The following C9orf43 variants were observed in gnomAD, a reference collection of about 807,000 sequenced individuals.
The protein encoded by C9orf43 is uncharacterized protein C9orf43.
Under a neutral mutation model 59.1 loss-of-function variants are expected in C9orf43, and 45 were observed. The observed-to-expected ratio is 0.76, with a 90% CI of 0.60 to 0.98. C9orf43 has a LOEUF of 0.98. Among genes scored for constraint, C9orf43 ranks in the 50% least tolerant of loss-of-function variants. The pLI, the probability that C9orf43 is intolerant of heterozygous loss-of-function variation, is 0.00. For synonymous variants in C9orf43, 203 were observed against 196.8 expected (o/e 1.03, Z -0.26); for missense variants, 533 against 554.9 (o/e 0.96, Z 0.40).
rs189006857 is a variant in C9orf43 at position 113,423,328 on chromosome 9, A to G, written c.486A>G (p.Lys162=). 5.1e-5 allele frequency: 82 copies of G among 1,613,240 alleles called. No homozygotes were observed. The East Asian group carries it at 1.0e-3, about 20-fold the overall frequency. ...TCTTTCCATTGTTTCTCTTCCAGAAAAGCAAGTCATTTCTGGGTCTCTCTG... is the reference window on the plus strand; with the variant it reads ...TCTTTCCATTGTTTCTCTTCCAGAAGAGCAAGTCATTTCTGGGTCTCTCTG... The part of the protein sequence containing the change: ...GKKKRKNSAV[K]SKSFLGLSGN... Residue 162 remains lysine (K), a splice_region_variant and synonymous_variant, in exon 7 of 14, where the codon AAA becomes AAG. Coordinates refer to ENST00000374165, the MANE Select transcript of C9orf43 (RefSeq NM_001278629.2).
intron 3 of C9orf43, 72 bp from the exon 4 acceptor site, chr9:113,419,036 C>T (rs1828476539): frequency 1.5e-5 from 18 of 1,235,500 alleles, no homozygotes; most frequent in Non-Finnish European, 2.1e-5. Context: ...GAAGGATTTC[C>T]TCATAGCACT....
chr9:113,414,583 C>A (rs1828291707), intron 3 of C9orf43, among the ~76,000 whole-genome samples: 1 of 152,118 alleles, frequency 6.6e-6, no homozygotes, highest in Admixed American at 6.5e-5. Context: ...CCATACTGAG[C>A]CCCTCTCCCT....
chr9:113,424,796 G>T (rs1218480781), intron 8 of C9orf43, among the ~76,000 whole-genome samples: 6 of 152,080 alleles, frequency 3.9e-5, no homozygotes, highest in Non-Finnish European at 8.8e-5. Flanking sequence ...AAAGTGCTGG[G>T]ATTACAGGCA....
chr9:113,418,398 A>G (rs925955114), intron 3 of C9orf43, among the ~76,000 whole-genome samples: 5 of 152,058 alleles, frequency 3.3e-5, no homozygotes, highest in Admixed American at 1.3e-4. Flanking sequence ...GTCCCCCCTT[A>G]TTTTCAGGAA....
intron 4 of C9orf43, chr9:113,420,683 C>A: frequency 3.7e-6 from 3 of 806,578 alleles, no homozygotes; most frequent in Non-Finnish European, 4.5e-6. Context: ...TGTAGTCAGA[C>A]TGTAAAAGAA....
At chr9:113,416,774 A>G (rs755137903) in intron 3 of C9orf43, among the ~76,000 whole-genome samples, 1 of 151,024 alleles carries the variant, frequency 6.6e-6, no homozygotes, top group Non-Finnish European at 1.5e-5. Context: ...GTCTTATTTT[A>G]GCTACTTCCC....
chr9:113,410,939 C>A lies in C9orf43; in HGVS notation c.-112C>A. The A allele has an allele frequency of 1.0e-6, 1 of 986,538 alleles. No homozygotes were observed. Among genetic ancestry groups the A allele is most frequent in the African/African-American group, 1.7e-5 (1 of 57,362 alleles). The allele number at this position is 986,538 out of a possible 1,614,324, so 61.1% of individuals were successfully genotyped here. A position where few individuals can be genotyped will look rare whatever the true frequency, so the allele number is the denominator to read the frequency against. On this transcript the variant is annotated 5_prime_UTR_variant, in exon 1 of 14. Transcript: ENST00000374165. Reference sequence around the variant, plus strand: ...CTGGAATGGAGTGGGCAGTCTTTTTCCATCTCTACCGAAGTTGATGTTCAT... The same window carrying A: ...CTGGAATGGAGTGGGCAGTCTTTTTACATCTCTACCGAAGTTGATGTTCAT...
chr9:113,413,438 T>C lies in C9orf43; in HGVS notation c.-49-7T>C. ...ACTCCCTAATTATGTAGCTGTTGAT[T>C]TTCCAGAGCACTAGAATGCTGCAGG... On this transcript the variant is annotated splice_polypyrimidine_tract_variant and splice_region_variant and intron_variant, in intron 1 of 13. Coordinates refer to ENST00000374165, the MANE Select transcript of C9orf43 (RefSeq NM_001278629.2). 6.4e-7 allele frequency: 1 copy of C among 1,571,202 alleles called. No individual in the cohort carries two copies. The highest frequency in any genetic ancestry group is 8.7e-7 in the Non-Finnish European group (1 of 1,153,348).
Position 113,429,233 on chromosome 9 carries a change from G to C in C9orf43, c.1233G>C (p.Val411=). The change falls in exon 14 of 14, where the codon GTG becomes GTC. Residue 411 remains valine (V), a synonymous_variant. Transcript: ENST00000374165. Reference sequence around the variant, plus strand: ...ACATTAGTGCTCCAGTGGACGCTGTGCCAGAAGCCCAGGCTGCCAGGCAAA... The same window carrying C: ...ACATTAGTGCTCCAGTGGACGCTGTCCCAGAAGCCCAGGCTGCCAGGCAAA... ...NKDISAPVDA[V]PEAQAARQKK... is the part of the protein sequence containing the mutation. 6.2e-7 allele frequency: 1 copy of C among 1,614,226 alleles called. No homozygotes were observed. Among genetic ancestry groups the C allele is most frequent in the South Asian group, 1.1e-5 (1 of 91,080 alleles).
intron 6 of C9orf43, 48 bp downstream of exon 6, chr9:113,422,633 G>C: frequency 6.2e-7 from 1 of 1,601,078 alleles, no homozygotes; most frequent in Non-Finnish European, 8.5e-7. Flanking sequence ...GCTATGTAGA[G>C]TTTATTTTGT....
At position 113,427,191 on chromosome 9, in the gene C9orf43, C is replaced by T. The variant is rs144996988; in HGVS notation, c.1031-956C>T. Reference sequence around the variant, plus strand: ...CTTTTATTTATTTATTTATTTGAGACGGAGTTTCGCTCTTGTTGCCCAGGC... The same window carrying T: ...CTTTTATTTATTTATTTATTTGAGATGGAGTTTCGCTCTTGTTGCCCAGGC... On this transcript the variant is annotated intron_variant, in intron 11 of 13. Coordinates refer to ENST00000374165, the MANE Select transcript of C9orf43 (RefSeq NM_001278629.2). 2.4e-4 allele frequency among the ~76,000 whole-genome samples: 36 copies of T among 152,244 alleles called. No homozygotes were observed. The East Asian group carries it at 3.1e-3, about 13-fold the overall frequency.
Position 113,425,354 on chromosome 9 carries a change from ACAGCAGCAGCGG to A in C9orf43, c.887_898del (p.Arg296_Gln299del). Reference sequence around the variant, plus strand: ...CTCTCTGGTCACCAGGTTACAGGAAACAGCAGCAGCGGCAGCAGCAGCAGCAGCAGCAACAGA... The same window carrying A: ...CTCTCTGGTCACCAGGTTACAGGAAACAGCAGCAGCAGCAGCAGCAACAGA... On this transcript the variant is annotated inframe_deletion, in exon 10 of 14. Coordinates refer to ENST00000374165, the MANE Select transcript of C9orf43 (RefSeq NM_001278629.2). 1 of 1,613,788 alleles carries A rather than the reference ACAGCAGCAGCGG, an allele frequency of 6.2e-7. No homozygotes were observed. The highest frequency in any genetic ancestry group is 8.5e-7 in the Non-Finnish European group (1 of 1,179,904).
chr9:113,422,397 A>C, intron 5 of C9orf43, 152 bp from the exon 6 acceptor site: 1 of 1,108,310 alleles, frequency 9.0e-7, no homozygotes, highest in Non-Finnish European at 1.3e-6. Context: ...GCTATCTTTG[A>C]GTACTGATCA....
intron 3 of C9orf43, among the ~76,000 whole-genome samples, chr9:113,416,392 A>G (rs1828359083): frequency 6.6e-6 from 1 of 152,094 alleles, no homozygotes; most frequent in South Asian, 2.1e-4. Context: ...CTTGAACACC[A>G]ACTTTTCCTC....
chr9:113,419,427 G>T (rs1455969374), intron 4 of C9orf43, among the ~76,000 whole-genome samples: 1 of 152,100 alleles, frequency 6.6e-6, no homozygotes, highest in Non-Finnish European at 1.5e-5. Flanking sequence ...TCTCTATCCT[G>T]CATAGAACAT....
intron 6 of C9orf43, 23 bp downstream of exon 6, chr9:113,422,608 A>G: frequency 6.2e-7 from 1 of 1,613,536 alleles, no homozygotes; most frequent in Non-Finnish European, 8.5e-7. Context: ...TTTTTGTGCA[A>G]ACCTTTATAA....
chr9:113,411,601 A>C lies in C9orf43; in HGVS notation c.-50+600A>C, dbSNP rs565520250. On this transcript the variant is annotated intron_variant, in intron 1 of 13. Coordinates refer to ENST00000374165, the MANE Select transcript of C9orf43 (RefSeq NM_001278629.2). ...GGCGCCAGTCACCGCGCCCGGCGCA[A>C]TGGTGTTTTAAGTTGTTTTTAAGTT... 5.3e-5 allele frequency among the ~76,000 whole-genome samples: 8 copies of C among 152,222 alleles called. No homozygotes were observed. The South Asian group carries it at 1.7e-3, about 32-fold the overall frequency.
intron 1 of C9orf43, among the ~76,000 whole-genome samples, chr9:113,413,208 A>G (rs1241727380): frequency 6.6e-6 from 1 of 152,228 alleles, no homozygotes; most frequent in Non-Finnish European, 1.5e-5. Flanking sequence ...GTCCCAGGTC[A>G]CTCAGCTATT....
chr9:113,425,515 A>G (rs190398398), intron 10 of C9orf43, 95 bp downstream of exon 10: 19 of 1,492,094 alleles, frequency 1.3e-5, no homozygotes, highest in Admixed American at 2.1e-5. Context: ...CTTGTTTTCT[A>G]TCTGGTTATA....
Sources: gnomAD v4.1 joint callset for allele counts (sites outside exome capture counted in the v4.1 genomes callset) on GRCh38, gnomAD v4.1.1 for gene constraint, MANE v1.5 for transcripts, NCBI Gene and HGNC (gene_info 2026-07-23, HGNC 2026-07-21) for gene names.